Variants in UBR3 observed in about 807,000 individuals in gnomAD.
UBR3 encodes E3 ubiquitin-protein ligase UBR3.
Under a neutral mutation model 243.2 loss-of-function variants are expected in UBR3, and 85 were observed. That is an observed-to-expected ratio of 0.35 (90% CI 0.29 to 0.42). UBR3 has a LOEUF of 0.42. Ranked by LOEUF, UBR3 falls within the 10% of genes least tolerant of loss-of-function variation. The pLI, the probability that UBR3 is intolerant of heterozygous loss-of-function variation, is 1.00. For missense variants in UBR3, 1,686 were observed against 2,300.8 expected (o/e 0.73, Z 5.47); for synonymous variants, 748 against 799.8 (o/e 0.94, Z 1.09).
chr2:170,016,225 A>G (rs905735310), intron 30 of UBR3, among the ~76,000 whole-genome samples: 18 of 151,910 alleles, frequency 1.2e-4, no homozygotes, highest in African/African-American at 4.3e-4. Context: ...ATTCCAAAGC[A>G]AAGGGATGAT....
intron 1 of UBR3, among the ~76,000 whole-genome samples, chr2:169,858,381 T>C (rs1559028904): frequency 6.6e-6 from 1 of 152,104 alleles, no homozygotes. Flanking sequence ...TGAAAAGCTT[T>C]TTTATTTTTA....
Position 169,949,736 on chromosome 2 carries a change from T to TG in UBR3, c.3218dup (p.Ser1074PhefsTer13). 6.4e-7 allele frequency: 1 copy of TG among 1,551,700 alleles called. No individual in the cohort carries two copies. Among genetic ancestry groups the TG allele is most frequent in the East Asian group, 2.4e-5 (1 of 40,900 alleles). ...AAACTTCAAGTAAATGGTCTGCTCC[T>TG]GGTTCAGCTCCACAGTTAACTACAG... is the stretch of plus-strand genomic sequence containing the variant. On this transcript the variant is annotated frameshift_variant, in exon 23 of 39. Transcript: ENST00000272793. LOFTEE classifies it high-confidence loss of function.
chr2:169,943,992 C>G (rs537154837), intron 20 of UBR3, among the ~76,000 whole-genome samples: 1 of 152,108 alleles, frequency 6.6e-6, no homozygotes, highest in South Asian at 2.1e-4. Flanking sequence ...TGGACAGGTG[C>G]CTCAAAAAAC....
intron 1 of UBR3, among the ~76,000 whole-genome samples, chr2:169,853,147 T>C (rs1403624100): frequency 6.6e-6 from 1 of 152,116 alleles, no homozygotes. Context: ...GAGGGAGTAG[T>C]TACTTATGAA....
chr2:169,981,353 T>C (rs1303127909), intron 24 of UBR3, among the ~76,000 whole-genome samples: 1 of 152,122 alleles, frequency 6.6e-6, no homozygotes, highest in Non-Finnish European at 1.5e-5. Context: ...ATGTTAATAT[T>C]ATGTACCCTT....
chr2:170,078,067 CTTTT>C lies in UBR3; in HGVS notation c.5200-1746_5200-1743del, dbSNP rs1337515468. On this transcript the variant is annotated intron_variant, in intron 36 of 38. Transcript: ENST00000272793. Reference sequence around the variant, plus strand: ...AGGTACTGCTCCCTGTGGAGTCTTTCTTTTGTCTGGTGTTTCTCTTTTCATGCAT... The same window carrying C: ...AGGTACTGCTCCCTGTGGAGTCTTTCGTCTGGTGTTTCTCTTTTCATGCAT... The C allele has an allele frequency of 4.5e-6, 3 of 673,998 alleles. No homozygotes were observed. In the Admixed American group the frequency reaches 6.0e-5, roughly 14 times the overall value. The allele number at this position is 673,998 out of a possible 1,614,324, so 41.8% of individuals were successfully genotyped here.
At chr2:169,950,700 T>A (rs918925312) in intron 23 of UBR3, among the ~76,000 whole-genome samples, 1 of 151,908 alleles carries the variant, frequency 6.6e-6, no homozygotes, top group Non-Finnish European at 1.5e-5. Flanking sequence ...ATGAGCATGG[T>A]TTGGTTCTTT....
At chr2:170,040,849 ATAC>A (rs2090950649) in intron 31 of UBR3, 30 bp from the exon 32 acceptor site, 1 of 1,498,290 alleles carries the variant, frequency 6.7e-7, no homozygotes, top group African/African-American at 1.4e-5. Context: ...AAGATATACA[ATAC>A]TATGTAAAGT....
chr2:169,899,495 G>T (rs2084727205), intron 8 of UBR3, among the ~76,000 whole-genome samples: 1 of 151,512 alleles, frequency 6.6e-6, no homozygotes, highest in African/African-American at 2.4e-5. Context: ...CAAAAATGGT[G>T]TTTTTTTTAA....
At chr2:169,924,990 C>A (rs547055255) in intron 13 of UBR3, among the ~76,000 whole-genome samples, 1 of 152,040 alleles carries the variant, frequency 6.6e-6, no homozygotes, top group African/African-American at 2.4e-5. Context: ...GCCAAGATCG[C>A]GCCACTGCAC....
intron 1 of UBR3, among the ~76,000 whole-genome samples, chr2:169,838,978 A>G (rs2082203670): frequency 6.6e-6 from 1 of 152,212 alleles, no homozygotes; most frequent in African/African-American, 2.4e-5. Context: ...TCAGAAAACT[A>G]AAAATAGATT....
chr2:169,955,663 G>A (rs1372733215), intron 23 of UBR3, among the ~76,000 whole-genome samples: 2 of 151,758 alleles, frequency 1.3e-5, no homozygotes, highest in East Asian at 1.9e-4. Context: ...GCATGGTGGT[G>A]CGTGCCTGTA....
chr2:169,998,654 A>G (rs1277338566), intron 26 of UBR3, among the ~76,000 whole-genome samples: 1 of 152,248 alleles, frequency 6.6e-6, no homozygotes, highest in African/African-American at 2.4e-5. Context: ...AAGAATGACT[A>G]TCAGTGGGCA....
intron 31 of UBR3, among the ~76,000 whole-genome samples, chr2:170,031,367 G>GT (rs989483579): frequency 2.0e-5 from 3 of 151,898 alleles, no homozygotes; most frequent in Non-Finnish European, 4.4e-5. Context: ...TTTTGTCAAA[G>GT]TTTTTTTAAT....
chr2:169,896,169 T>G (rs2084581678), intron 7 of UBR3, among the ~76,000 whole-genome samples: 1 of 152,132 alleles, frequency 6.6e-6, no homozygotes, highest in Non-Finnish European at 1.5e-5. Context: ...GTGCCTGTAA[T>G]CCCAGCTACT....
At chr2:169,881,970 AAT>A (rs2083877529) in intron 5 of UBR3, among the ~76,000 whole-genome samples, 1 of 103,548 alleles carries the variant, frequency 9.7e-6, no homozygotes, top group Non-Finnish European at 2.1e-5. Context: ...ATACATATGT[AAT>A]TATATTATAT....
chr2:170,000,661 G>C (rs2089662848), intron 26 of UBR3, among the ~76,000 whole-genome samples: 1 of 152,210 alleles, frequency 6.6e-6, no homozygotes, highest in African/African-American at 2.4e-5. Context: ...GGAGATTTCT[G>C]AGTGGCATGA....
At chr2:169,971,172 G>C (rs899382633) in intron 24 of UBR3, among the ~76,000 whole-genome samples, 2 of 151,252 alleles carry the variant, frequency 1.3e-5, no homozygotes, top group African/African-American at 4.8e-5. Context: ...TGATGGGGTT[G>C]TTTGTTTTTT....
chr2:170,029,082 T>G (rs1559200475), intron 30 of UBR3, among the ~76,000 whole-genome samples: 1 of 152,002 alleles, frequency 6.6e-6, no homozygotes, highest in Non-Finnish European at 1.5e-5. Flanking sequence ...AGGACAAGTA[T>G]GTCTGTGATA....
Sources: gnomAD v4.1 joint callset for allele counts (sites outside exome capture counted in the v4.1 genomes callset) on GRCh38, gnomAD v4.1.1 for gene constraint, MANE v1.5 for transcripts, NCBI Gene and HGNC (gene_info 2026-07-23, HGNC 2026-07-21) for gene names.